The following CECR2 variants were observed in gnomAD, a reference collection of about 807,000 sequenced individuals.
CECR2 encodes CECR2 histone acetyl-lysine reader, also known as chromatin remodeling regulator CECR2.
In CECR2, 30 loss-of-function variants were observed where a neutral mutation model predicts 154.5. The ratio of observed to expected loss-of-function variants is 0.19; its 90% CI spans 0.15 to 0.26. The LOEUF is 0.26. Ranked by LOEUF, CECR2 falls within the 10% of genes least tolerant of loss-of-function variation. CECR2 has a pLI of 1.00. For synonymous variants in CECR2, 725 were observed against 683.7 expected (o/e 1.06, Z -0.94); for missense variants, 1,743 against 1,829.3 (o/e 0.95, Z 0.86).
chr22:17,542,816 C>G lies in CECR2; in HGVS notation c.2673C>G (p.Leu891=). 1 of 1,613,932 alleles carries G rather than the reference C, an allele frequency of 6.2e-7. No homozygotes were observed. The highest frequency in any genetic ancestry group is 8.5e-7 in the Non-Finnish European group (1 of 1,179,854). ...DSPEMIAMQQ[L]SSRVCPPGVP... ...CAGAGATGATTGCGATGCAGCAGCTCTCCTCCCGCGTCTGCCCCCCAGGTG... is the reference window on the plus strand; with the variant it reads ...CAGAGATGATTGCGATGCAGCAGCTGTCCTCCCGCGTCTGCCCCCCAGGTG... The change falls in exon 16 of 19, where the codon CTC becomes CTG. Residue 891 remains leucine (L), a synonymous_variant. Transcript: ENST00000262608.
chr22:17,430,294 C>T (rs189016153), intron 1 of CECR2, among the ~76,000 whole-genome samples: 36 of 152,268 alleles, frequency 2.4e-4, no homozygotes, highest in African/African-American at 7.7e-4. Context: ...ATGGTGTGCA[C>T]GGGTTCCTGA....
At chr22:17,361,464 G>C (rs2062977163) in intron 1 of CECR2, among the ~76,000 whole-genome samples, 1 of 151,274 alleles carries the variant, frequency 6.6e-6, no homozygotes, top group African/African-American at 2.4e-5. Context: ...GACAGAGTGA[G>C]AGTCCATCTC....
intron 2 of CECR2, among the ~76,000 whole-genome samples, chr22:17,494,149 G>A (rs548366116): frequency 2.0e-5 from 3 of 152,186 alleles, no homozygotes; most frequent in East Asian, 1.9e-4. Flanking sequence ...AGGCTGGAGC[G>A]CAATGGCGCG....
chr22:17,450,620 A>G (rs1036189573), intron 1 of CECR2, among the ~76,000 whole-genome samples: 13 of 152,228 alleles, frequency 8.5e-5, no homozygotes, highest in Non-Finnish European at 1.8e-4. Context: ...TGGTTAACCT[A>G]TCTTTCCACA....
chr22:17,518,302 A>G (rs2056095633), intron 8 of CECR2, among the ~76,000 whole-genome samples: 1 of 152,202 alleles, frequency 6.6e-6, no homozygotes, highest in African/African-American at 2.4e-5. Flanking sequence ...CGTGCTTGAC[A>G]TTCTGACCTG....
intron 1 of CECR2, among the ~76,000 whole-genome samples, chr22:17,435,699 A>C (rs917238140): frequency 1.3e-4 from 19 of 149,688 alleles, no homozygotes; most frequent in South Asian, 2.1e-4. Context: ...AAAAAAAAAA[A>C]AAAAAAAAAA....
At chr22:17,459,647 G>C (rs1468804394) in intron 1 of CECR2, among the ~76,000 whole-genome samples, 1 of 152,098 alleles carries the variant, frequency 6.6e-6, no homozygotes, top group Admixed American at 6.6e-5. Context: ...AAAATACAGA[G>C]AAATAGAAAA....
chr22:17,406,532 C>T (rs561187472), intron 1 of CECR2, among the ~76,000 whole-genome samples: 1 of 152,070 alleles, frequency 6.6e-6, no homozygotes, highest in African/African-American at 2.4e-5. Flanking sequence ...TTCCTCCCCC[C>T]ACCCCTCCCT....
chr22:17,469,568 C>T (rs1029279186), intron 1 of CECR2, among the ~76,000 whole-genome samples: 39 of 151,372 alleles, frequency 2.6e-4, no homozygotes, highest in Non-Finnish European at 4.0e-4. Flanking sequence ...CAGCATACAG[C>T]GCATCCTCTT....
At chr22:17,419,476 C>G (rs1159378400) in intron 1 of CECR2, 6 of 200,130 alleles carry the variant, frequency 3.0e-5, no homozygotes, top group South Asian at 1.0e-4. Context: ...GAGGAAGACT[C>G]AGAAACAGAG....
At chr22:17,490,516 C>T (rs1282246453) in intron 2 of CECR2, among the ~76,000 whole-genome samples, 1 of 152,126 alleles carries the variant, frequency 6.6e-6, no homozygotes, top group African/African-American at 2.4e-5. Flanking sequence ...CTCACTGCAA[C>T]CTCCGCCTCC....
intron 1 of CECR2, among the ~76,000 whole-genome samples, chr22:17,417,486 A>C (rs566560897): frequency 2.0e-5 from 3 of 152,098 alleles, no homozygotes; most frequent in African/African-American, 7.2e-5. Flanking sequence ...GCCTGAAAAA[A>C]AATTTTTTTT....
chr22:17,535,411 T>C (rs2056423474), intron 9 of CECR2, among the ~76,000 whole-genome samples: 1 of 152,196 alleles, frequency 6.6e-6, no homozygotes, highest in Non-Finnish European at 1.5e-5. Context: ...TACTCCTATC[T>C]GGTCATTCTG....
chr22:17,389,789 G>A (rs775370334), intron 1 of CECR2, among the ~76,000 whole-genome samples: 42 of 152,080 alleles, frequency 2.8e-4, no homozygotes, highest in Non-Finnish European at 5.7e-4. Context: ...CACAACGCCC[G>A]GCTAATTTTT....
chr22:17,453,790 A>T (rs2054809759), intron 1 of CECR2, among the ~76,000 whole-genome samples: 2 of 152,174 alleles, frequency 1.3e-5, no homozygotes, highest in Non-Finnish European at 2.9e-5. Flanking sequence ...GTCATGTAAG[A>T]GTTGTGTCTG....
rs1344760114 is a variant in CECR2, at chr22:17,397,305, A to G, written c.126+27396A>G. 4.6e-5 allele frequency among the ~76,000 whole-genome samples: 7 copies of G among 151,752 alleles called. No homozygotes were observed. The East Asian group carries it at 9.7e-4, about 21-fold the overall frequency. ...CAGGCACACACCACCACACCTGGCT[A>G]ATTTTTTGTATTTTAGTAGAGGCGT... is the stretch of plus-strand genomic sequence containing the variant. On this transcript the variant is annotated intron_variant, in intron 1 of 18. Coordinates refer to ENST00000262608, the MANE Select transcript of CECR2 (RefSeq NM_001290047.2).
intron 1 of CECR2, among the ~76,000 whole-genome samples, chr22:17,401,426 C>T (rs1374387744): frequency 2.6e-5 from 4 of 152,172 alleles, no homozygotes; most frequent in East Asian, 1.9e-4. Context: ...CAACGCCACG[C>T]GAGGGTGTGA....
At chr22:17,493,622 AG>A (rs1429500922) in intron 2 of CECR2, among the ~76,000 whole-genome samples, 1 of 152,230 alleles carries the variant, frequency 6.6e-6, no homozygotes, top group Non-Finnish European at 1.5e-5. Context: ...GCATGGAGAT[AG>A]ATGCCTTAAG....
chr22:17,447,033 C>CTGTTTTTTTTTT (rs1339121774), intron 1 of CECR2, among the ~76,000 whole-genome samples: 6,703 of 113,634 alleles, frequency 0.059, 825 homozygotes, highest in South Asian at 0.089. Flanking sequence ...CGTTTACAAT[C>CTGTTTTTTTTTT]TTTTTTTTTT....
Sources: allele counts gnomAD v4.1 joint callset (sites outside exome capture counted in the v4.1 genomes callset), GRCh38; gene constraint gnomAD v4.1.1; transcripts MANE v1.5; gene names NCBI Gene and HGNC (gene_info 2026-07-23, HGNC 2026-07-21).